Variants in SPECC1 observed in about 807,000 individuals in gnomAD.
The protein encoded by SPECC1 is sperm antigen with calponin homology and coiled-coil domains 1.
A neutral mutation model predicts 104.1 loss-of-function variants in SPECC1; 62 were observed. That is an observed-to-expected ratio of 0.60 (90% CI 0.49 to 0.74). The LOEUF is 0.74. Ranked by LOEUF, SPECC1 falls within the 30% of genes least tolerant of loss-of-function variation. SPECC1 has a pLI of 0.00. For synonymous variants in SPECC1, 513 were observed against 501.6 expected (o/e 1.02, Z -0.30); for missense variants, 1,306 against 1,310.5 (o/e 1.00, Z 0.05).
intron 3 of SPECC1, among the ~76,000 whole-genome samples, chr17:20,165,999 CCTT>C (rs1238670553): frequency 1.3e-5 from 2 of 151,990 alleles, no homozygotes; most frequent in Non-Finnish European, 2.9e-5. Flanking sequence ...GTAGCAGTAT[CCTT>C]CTTGACAGTT....
chr17:20,209,296 C>T (rs964415811), intron 4 of SPECC1, among the ~76,000 whole-genome samples: 6 of 152,132 alleles, frequency 3.9e-5, no homozygotes, highest in African/African-American at 7.2e-5. Flanking sequence ...TAATGCTTGG[C>T]GAAAGGTGAA....
intron 1 of SPECC1, among the ~76,000 whole-genome samples, chr17:20,068,312 G>A (rs528296434): frequency 6.6e-5 from 10 of 152,116 alleles, no homozygotes; most frequent in African/African-American, 1.9e-4. Context: ...TCCATGTATC[G>A]GTACATTATT....
intron 1 of SPECC1, among the ~76,000 whole-genome samples, chr17:20,079,724 C>T (rs1597660272): frequency 1.3e-5 from 2 of 152,234 alleles, no homozygotes; most frequent in Non-Finnish European, 2.9e-5. Flanking sequence ...CAAAAGAGAA[C>T]GTGCCAGCCT....
chr17:20,069,656 C>A (rs949492181), intron 1 of SPECC1, among the ~76,000 whole-genome samples: 1 of 152,090 alleles, frequency 6.6e-6, no homozygotes, highest in Non-Finnish European at 1.5e-5. Context: ...TTTATGGGTT[C>A]ATTTCTGGAC....
intron 12 of SPECC1, among the ~76,000 whole-genome samples, chr17:20,264,356 T>C (rs970810077): frequency 1.3e-5 from 2 of 151,798 alleles, no homozygotes; most frequent in African/African-American, 4.8e-5. Context: ...AGCATAGTAC[T>C]CTGTAGGTAG....
chr17:20,169,054 G>A (rs1479489525), intron 3 of SPECC1, among the ~76,000 whole-genome samples: 1 of 152,036 alleles, frequency 6.6e-6, no homozygotes, highest in Non-Finnish European at 1.5e-5. Context: ...TGTATTTTTT[G>A]TAGAGACGGG....
intron 1 of SPECC1, among the ~76,000 whole-genome samples, chr17:20,053,339 A>G (rs1348788168): frequency 6.6e-6 from 1 of 152,192 alleles, no homozygotes; most frequent in African/African-American, 2.4e-5. Flanking sequence ...CCTGTTGGAC[A>G]TTTGAATGTC....
At chr17:20,179,404 A>G (rs1407601883) in intron 3 of SPECC1, among the ~76,000 whole-genome samples, 1 of 152,260 alleles carries the variant, frequency 6.6e-6, no homozygotes, top group Non-Finnish European at 1.5e-5. Context: ...TAGTTCCTGA[A>G]TCAAAGTCTG....
intron 1 of SPECC1, among the ~76,000 whole-genome samples, chr17:20,095,000 A>G (rs1040721780): frequency 6.6e-6 from 1 of 152,234 alleles, no homozygotes; most frequent in Admixed American, 6.5e-5. Context: ...TCAGACTGAC[A>G]GGTTGCTGGT....
intron 3 of SPECC1, among the ~76,000 whole-genome samples, chr17:20,198,678 C>T (rs79163472): frequency 0.014 from 2,110 of 152,298 alleles, 51 homozygotes; most frequent in African/African-American, 0.047. Flanking sequence ...GGGACTCTAT[C>T]CCTCATAAGT....
At chr17:20,043,190 A>T (rs893225286) in intron 1 of SPECC1, among the ~76,000 whole-genome samples, 2 of 152,110 alleles carry the variant, frequency 1.3e-5, no homozygotes, top group Non-Finnish European at 2.9e-5. Flanking sequence ...TGTGTGGGCG[A>T]TGCTGTGTAG....
At chr17:20,176,196 T>G (rs1448784095) in intron 3 of SPECC1, among the ~76,000 whole-genome samples, 1 of 152,228 alleles carries the variant, frequency 6.6e-6, no homozygotes, top group Admixed American at 6.5e-5. Context: ...CTTAGGGAGT[T>G]CTTTGAACAA....
intron 12 of SPECC1, among the ~76,000 whole-genome samples, chr17:20,264,474 T>A (rs1251971196): frequency 1.5e-5 from 2 of 129,996 alleles, no homozygotes; most frequent in African/African-American, 5.8e-5. Flanking sequence ...TTTTTTTTTT[T>A]TTTTTTTTTT....
At chr17:20,015,355 G>C (rs2044078729) in intron 1 of SPECC1, among the ~76,000 whole-genome samples, 1 of 150,390 alleles carries the variant, frequency 6.6e-6, no homozygotes, top group South Asian at 2.1e-4. Context: ...GAGTGCAATG[G>C]TGTGGTTCAA....
chr17:20,016,633 G>A (rs1046592199), intron 1 of SPECC1, among the ~76,000 whole-genome samples: 5 of 152,346 alleles, frequency 3.3e-5, no homozygotes, highest in African/African-American at 1.2e-4. Context: ...TGCTGTGCCC[G>A]ATTTCTCGCT....
At chr17:20,104,731 A>G (rs2048104756) in intron 2 of SPECC1, among the ~76,000 whole-genome samples, 2 of 126,316 alleles carry the variant, frequency 1.6e-5, no homozygotes, top group African/African-American at 6.2e-5. Context: ...TGAAAGAGTG[A>G]GACTGTCTCA....
At chr17:20,176,827 T>C (rs946159907) in intron 3 of SPECC1, among the ~76,000 whole-genome samples, 2 of 152,214 alleles carry the variant, frequency 1.3e-5, no homozygotes, top group Non-Finnish European at 2.9e-5. Flanking sequence ...ATAATCTCTT[T>C]ATCTCAATAT....
At chr17:20,288,003 GTGTTCTCATT>G (rs2041016519) in intron 12 of SPECC1, among the ~76,000 whole-genome samples, 1 of 147,620 alleles carries the variant, frequency 6.8e-6, no homozygotes, top group Non-Finnish European at 1.5e-5. Flanking sequence ...ATGTGTCCAT[GTGTTCTCATT>G]TGTTCACCTT....
intron 2 of SPECC1, among the ~76,000 whole-genome samples, chr17:20,101,098 C>T (rs1196868306): frequency 6.6e-6 from 1 of 152,168 alleles, no homozygotes; most frequent in African/African-American, 2.4e-5. Context: ...CAAGTTTTTG[C>T]TATTGAAAAT....
Sources: gnomAD v4.1 joint callset for allele counts (sites outside exome capture counted in the v4.1 genomes callset) on GRCh38, gnomAD v4.1.1 for gene constraint, MANE v1.5 for transcripts, NCBI Gene and HGNC (gene_info 2026-07-23, HGNC 2026-07-21) for gene names.